Variants in TRDN observed in about 807,000 individuals in gnomAD.
TRDN encodes the protein triadin.
In TRDN, 161 loss-of-function variants were observed where a neutral mutation model predicts 149.7. That is an observed-to-expected ratio of 1.08 (90% CI 0.95 to 1.23). TRDN has a LOEUF of 1.23. Ranked by LOEUF, TRDN falls within the 50% of genes most tolerant of loss-of-function variation. The pLI, the probability that TRDN is intolerant of heterozygous loss-of-function variation, is 0.00. For missense variants in TRDN, 896 were observed against 823.5 expected (o/e 1.09, Z -1.08); for synonymous variants, 294 against 250.5 (o/e 1.17, Z -1.64).
intron 12 of TRDN, among the ~76,000 whole-genome samples, chr6:123,408,539 A>C (rs184616869): frequency 0.011 from 1,693 of 152,044 alleles, 29 homozygotes; most frequent in African/African-American, 0.038. Flanking sequence ...TTAGCTGGGC[A>C]AGGTGGCGGG....
At chr6:123,578,677 C>T (rs925851800) in intron 1 of TRDN, among the ~76,000 whole-genome samples, 1 of 152,074 alleles carries the variant, frequency 6.6e-6, no homozygotes, top group Admixed American at 6.6e-5. Flanking sequence ...AAATATTCTT[C>T]TAGTTCTGTG....
intron 23 of TRDN, among the ~76,000 whole-genome samples, chr6:123,327,697 T>G (rs1779510829): frequency 6.6e-6 from 1 of 152,110 alleles, no homozygotes. Flanking sequence ...TCCAGAAGTT[T>G]TGCTAATTTC....
chr6:123,461,342 G>A (rs970849251), intron 10 of TRDN, among the ~76,000 whole-genome samples: 10 of 152,126 alleles, frequency 6.6e-5, no homozygotes, highest in Non-Finnish European at 1.5e-4. Flanking sequence ...GCAAGACTAA[G>A]TACTAGTTAT....
At chr6:123,495,660 C>T (rs547753166) in intron 9 of TRDN, among the ~76,000 whole-genome samples, 1 of 152,212 alleles carries the variant, frequency 6.6e-6, no homozygotes, top group East Asian at 1.9e-4. Context: ...GCCACCACAC[C>T]CAGCCCTAAC....
At chr6:123,312,826 T>A (rs1778877289) in intron 24 of TRDN, among the ~76,000 whole-genome samples, 1 of 152,018 alleles carries the variant, frequency 6.6e-6, no homozygotes, top group Admixed American at 6.6e-5. Flanking sequence ...AGCTCATGTC[T>A]ATGTCCCTGA....
intron 20 of TRDN, among the ~76,000 whole-genome samples, chr6:123,361,908 T>C (rs1459787486): frequency 6.6e-6 from 1 of 152,168 alleles, no homozygotes; most frequent in Non-Finnish European, 1.5e-5. Context: ...AGGGCACCAA[T>C]GTATACATCT....
At position 123,507,904 on chromosome 6, in the gene TRDN, G is replaced by A. The variant is rs544777950; in HGVS notation, c.611-4003C>T. ...CCTCAAGAAACATACTACACATGTT[G>A]GGAGTTAGAAAATAACAAATTTTCT... On this transcript the variant is annotated intron_variant, in intron 7 of 40. Coordinates refer to ENST00000334268, the MANE Select transcript of TRDN (RefSeq NM_006073.4). Among the ~76,000 whole-genome samples, 115 of 152,062 alleles carry A rather than the reference G, an allele frequency of 7.6e-4. 1 individual carries two copies. The highest frequency in any genetic ancestry group is 1.0e-4 in the Non-Finnish European group (7 of 67,978).
intron 7 of TRDN, among the ~76,000 whole-genome samples, chr6:123,507,854 C>T (rs553649190): frequency 1.9e-4 from 29 of 152,212 alleles, no homozygotes; most frequent in African/African-American, 6.7e-4. Flanking sequence ...ATGTCTGATG[C>T]CAAAGTATTA....
At chr6:123,500,959 A>T (rs998035852) in intron 8 of TRDN, among the ~76,000 whole-genome samples, 3 of 152,086 alleles carry the variant, frequency 2.0e-5, no homozygotes, top group Non-Finnish European at 4.4e-5. Flanking sequence ...CAGACCTCCT[A>T]GAGGTCATCA....
chr6:123,262,569 G>T lies in TRDN; in HGVS notation c.1805-1931C>A, dbSNP rs1776810089. Among the ~76,000 whole-genome samples the T allele has an allele frequency of 3.3e-5, 5 of 151,948 alleles. No individual in the cohort carries two copies. In the Admixed American group the frequency reaches 3.3e-4, roughly 10 times the overall value. On this transcript the variant is annotated intron_variant, in intron 33 of 40. Transcript: ENST00000334268. ...TTCAAGGATTAATAAATGTAATACA[G>T]GCATACTCATTTTATTGTGCTTCGC...
At chr6:123,341,071 A>G (rs930014125) in intron 21 of TRDN, among the ~76,000 whole-genome samples, 2 of 151,892 alleles carry the variant, frequency 1.3e-5, no homozygotes, top group Non-Finnish European at 2.9e-5. Context: ...TCAATCTACT[A>G]CAAACTCCAA....
intron 24 of TRDN, among the ~76,000 whole-genome samples, chr6:123,283,449 A>G (rs1057323845): frequency 2.0e-5 from 3 of 151,936 alleles, no homozygotes; most frequent in Non-Finnish European, 2.9e-5. Context: ...CCAGCAGAAG[A>G]AAAGAAATAA....
intron 4 of TRDN, among the ~76,000 whole-genome samples, chr6:123,541,300 G>T (rs1319285621): frequency 6.6e-6 from 1 of 152,080 alleles, no homozygotes; most frequent in Non-Finnish European, 1.5e-5. Flanking sequence ...TCAGGCTCTG[G>T]TTTGACCCAC....
At chr6:123,284,751 T>C (rs1023215125) in intron 24 of TRDN, among the ~76,000 whole-genome samples, 1 of 152,046 alleles carries the variant, frequency 6.6e-6, no homozygotes, top group Admixed American at 6.6e-5. Context: ...GATATAATTA[T>C]ACGCCCAGAA....
Position 123,551,356 on chromosome 6 carries a change from C to G in TRDN, c.233-2744G>C, listed in dbSNP as rs1781380875. ...CAAAACCTAAATACACACACACACA[C>G]ACACACACACACACACACACACACT... On this transcript the variant is annotated intron_variant, in intron 2 of 40. Transcript: ENST00000334268. Among the ~76,000 whole-genome samples, 4 of 150,370 alleles carry G rather than the reference C, an allele frequency of 2.7e-5. No individual in the cohort carries two copies. In the Admixed American group the frequency reaches 2.7e-4, roughly 10 times the overall value.
At chr6:123,612,669 C>T (rs953728542) in intron 1 of TRDN, among the ~76,000 whole-genome samples, 1 of 151,934 alleles carries the variant, frequency 6.6e-6, no homozygotes, top group Admixed American at 6.6e-5. Flanking sequence ...TCCCAAATAG[C>T]TGGGACTACA....
At chr6:123,242,325 T>A (rs1196798560) in intron 38 of TRDN, among the ~76,000 whole-genome samples, 3 of 152,150 alleles carry the variant, frequency 2.0e-5, no homozygotes, top group Non-Finnish European at 4.4e-5. Context: ...TATTTAAATT[T>A]TAAGAATGTG....
chr6:123,595,066 T>C (rs1783968191), intron 1 of TRDN, among the ~76,000 whole-genome samples: 1 of 152,102 alleles, frequency 6.6e-6, no homozygotes, highest in African/African-American at 2.4e-5. Context: ...TTGGAATTCA[T>C]AATAATGTTA....
At position 123,424,770 on chromosome 6, in the gene TRDN, C is replaced by G. The variant is rs73544283; in HGVS notation, c.1051+13293G>C. 2.4e-3 allele frequency among the ~76,000 whole-genome samples: 363 copies of G among 152,202 alleles called. 1 individual carries two copies. The highest frequency in any genetic ancestry group is 8.0e-3 in the African/African-American group (333 of 41,528). On this transcript the variant is annotated intron_variant, in intron 12 of 40. Coordinates refer to ENST00000334268, the MANE Select transcript of TRDN (RefSeq NM_006073.4). ...TCGTCGCCCTTCAGTTGATGAATAG[C>G]CTTTTACACCTTTGTGGAGACTTTA...
Sources: gnomAD v4.1 joint callset for allele counts (sites outside exome capture counted in the v4.1 genomes callset) on GRCh38, gnomAD v4.1.1 for gene constraint, MANE v1.5 for transcripts, NCBI Gene and HGNC (gene_info 2026-07-23, HGNC 2026-07-21) for gene names.